The following NOP58 variants were observed in gnomAD, a reference collection of about 807,000 sequenced individuals.
NOP58 encodes the protein nucleolar protein 58.
In NOP58, 44 loss-of-function variants were observed where a neutral mutation model predicts 71.2. That is an observed-to-expected ratio of 0.62 (90% CI 0.49 to 0.79). The LOEUF (loss-of-function observed/expected upper bound fraction) is 0.79. NOP58 is among the 30% of genes least tolerant of loss of function. The pLI is 0.00. For synonymous variants in NOP58, 228 were observed against 200.3 expected, an observed-to-expected ratio of 1.14 and a Z score of -1.17; for missense variants, 538 against 620.2, an observed-to-expected ratio of 0.87 and a Z score of 1.41.
chr2:202,295,240 C>G (rs1311531097), intron 9 of NOP58, among the ~76,000 whole-genome samples: 1 of 152,160 alleles, frequency 6.6e-6, no homozygotes, highest in Non-Finnish European at 1.5e-5. Flanking sequence ...TTAATAGATA[C>G]TTGTAGGAAT....
At chr2:202,294,613 G>A (rs989837466) in intron 9 of NOP58, among the ~76,000 whole-genome samples, 1 of 152,042 alleles carries the variant, frequency 6.6e-6, no homozygotes, top group Non-Finnish European at 1.5e-5. Flanking sequence ...ATAAAGCTTA[G>A]CTTATAAATT....
At chr2:202,283,375 G>A (rs983669982) in intron 4 of NOP58, among the ~76,000 whole-genome samples, 4 of 151,252 alleles carry the variant, frequency 2.6e-5, no homozygotes, top group African/African-American at 9.7e-5. Flanking sequence ...GATTACAGAC[G>A]CCCGCCAACA....
chr2:202,298,341 A>T (rs1030293530), intron 12 of NOP58, among the ~76,000 whole-genome samples: 4 of 152,124 alleles, frequency 2.6e-5, no homozygotes, highest in African/African-American at 9.7e-5. Context: ...GTTCCTCTAT[A>T]ATATGTTCTT....
intron 1 of NOP58, among the ~76,000 whole-genome samples, chr2:202,267,524 G>GATAA (rs1688437785): frequency 6.6e-6 from 1 of 152,150 alleles, no homozygotes; most frequent in Non-Finnish European, 1.5e-5. Context: ...GTCCCCTTTA[G>GATAA]AGCTACGAAA....
intron 13 of NOP58, among the ~76,000 whole-genome samples, chr2:202,301,046 T>C (rs545353542): frequency 5.5e-4 from 84 of 152,360 alleles, no homozygotes; most frequent in Non-Finnish European, 1.0e-3. Flanking sequence ...ACTTTTATGC[T>C]TCTTTTTATT....
chr2:202,268,936 A>C (rs1354331864), intron 1 of NOP58, among the ~76,000 whole-genome samples: 1 of 151,746 alleles, frequency 6.6e-6, no homozygotes, highest in East Asian at 2.0e-4. Flanking sequence ...TTCCATTTAC[A>C]GTGAGGAAAA....
chr2:202,266,635 G>C (rs1479597624), intron 1 of NOP58, among the ~76,000 whole-genome samples: 1 of 152,188 alleles, frequency 6.6e-6, no homozygotes, highest in Non-Finnish European at 1.5e-5. Context: ...GATTTAAGCA[G>C]AGGAATGACC....
At chr2:202,291,668 G>T (rs1352954729) in intron 8 of NOP58, among the ~76,000 whole-genome samples, 1 of 151,768 alleles carries the variant, frequency 6.6e-6, no homozygotes, top group Admixed American at 6.6e-5. Flanking sequence ...TTAGCTGCGC[G>T]TGGTGGCGTA....
chr2:202,277,253 C>T (rs1280546455), intron 2 of NOP58, among the ~76,000 whole-genome samples: 1 of 150,670 alleles, frequency 6.6e-6, no homozygotes, highest in Admixed American at 6.6e-5. Context: ...TGCAGTGAGC[C>T]GAGATTGCGC....
chr2:202,293,930 G>T (rs954953649), intron 9 of NOP58, among the ~76,000 whole-genome samples: 2 of 152,102 alleles, frequency 1.3e-5, no homozygotes, highest in Non-Finnish European at 2.9e-5. Flanking sequence ...AATGCCCTCA[G>T]CTATAAGATC....
chr2:202,300,656 G>T lies in NOP58; in HGVS notation c.1402+289G>T, dbSNP rs561559563. ...TGGAGAATTAAGAGAAAAAAGGAAC[G>T]TGTTTTCTAAATTGGTTGTTGAAAA... is the stretch of plus-strand genomic sequence containing the variant. On this transcript the variant is annotated intron_variant, in intron 13 of 14. Coordinates refer to ENST00000264279, the MANE Select transcript of NOP58 (RefSeq NM_015934.5). Among the ~76,000 whole-genome samples, 8 of 152,292 alleles carry T rather than the reference G, an allele frequency of 5.3e-5. No individual in the cohort carries two copies. The East Asian group carries it at 1.5e-3, about 29-fold the overall frequency.
chr2:202,297,644 C>A, intron 11 of NOP58, 131 bp downstream of exon 11: 2 of 977,274 alleles, frequency 2.0e-6, no homozygotes, highest in Non-Finnish European at 3.0e-6. Flanking sequence ...TCTTTTTGTG[C>A]CTACTGTTAA....
intron 4 of NOP58, 91 bp from the exon 5 acceptor site, chr2:202,284,254 C>A: frequency 9.2e-7 from 1 of 1,092,194 alleles, no homozygotes; most frequent in Non-Finnish European, 1.3e-6. Context: ...GCCTGGGCGA[C>A]AGAGTGATAC....
At chr2:202,299,608 T>C (rs1689055930) in intron 12 of NOP58, among the ~76,000 whole-genome samples, 1 of 152,078 alleles carries the variant, frequency 6.6e-6, no homozygotes, top group South Asian at 2.1e-4. Flanking sequence ...TTTGAACCAA[T>C]TTTTTTAATG....
chr2:202,295,491 G>C (rs1397579984), intron 9 of NOP58, among the ~76,000 whole-genome samples, 183 bp from the exon 10 acceptor site: 3 of 152,108 alleles, frequency 2.0e-5, no homozygotes, highest in African/African-American at 7.2e-5. Flanking sequence ...ACCTGCTTGT[G>C]CTAATGAAGG....
In NOP58 at chr2:202,291,544, C is replaced by T. The variant is rs544947653; in HGVS notation, c.780+274C>T. The T allele has an allele frequency of 8.5e-4, 189 of 223,332 alleles. 1 individual carries two copies. The highest frequency in any genetic ancestry group is 4.1e-3 in the Admixed American group (76 of 18,492). 13.8% of individuals were successfully genotyped at this position (223,332 alleles called of 1,614,324 possible). On this transcript the variant is annotated intron_variant, in intron 8 of 14. Coordinates refer to ENST00000264279, the MANE Select transcript of NOP58 (RefSeq NM_015934.5). ...AGAGAAGGCCAGGCGCGTTGGCTCA[C>T]GCCTGTAATCCCCGCACTTTGGAAG...
chr2:202,275,870 T>C (rs571094372), intron 2 of NOP58, among the ~76,000 whole-genome samples: 1 of 152,252 alleles, frequency 6.6e-6, no homozygotes, highest in East Asian at 1.9e-4. Context: ...GGTTTCGCCA[T>C]GTTGGTCAGG....
chr2:202,281,222 G>C (rs1040264568), intron 3 of NOP58, among the ~76,000 whole-genome samples: 2 of 151,408 alleles, frequency 1.3e-5, no homozygotes, highest in African/African-American at 4.9e-5. Context: ...CCACCTCTGG[G>C]TTCAAGCGAT....
At chr2:202,277,123 G>GA (rs1455572285) in intron 2 of NOP58, among the ~76,000 whole-genome samples, 1 of 151,914 alleles carries the variant, frequency 6.6e-6, no homozygotes, top group African/African-American at 2.4e-5. Context: ...CCGTCTCTAC[G>GA]AAAAATACAA....
Sources: gnomAD v4.1 joint callset for allele counts (sites outside exome capture counted in the v4.1 genomes callset) on GRCh38, gnomAD v4.1.1 for gene constraint, MANE v1.5 for transcripts, NCBI Gene and HGNC (gene_info 2026-07-23, HGNC 2026-07-21) for gene names.